RILPL1: variants seen among roughly 807,000 people sequenced by gnomAD.
The protein encoded by RILPL1 is RILP-like protein 1.
A neutral mutation model predicts 50.3 loss-of-function variants in RILPL1; 33 were observed. That is an observed-to-expected ratio of 0.66 (90% CI 0.50 to 0.88). The LOEUF (loss-of-function observed/expected upper bound fraction) is 0.88. Among genes scored for constraint, RILPL1 ranks in the 40% least tolerant of loss-of-function variants. The probability of loss-of-function intolerance (pLI) is 0.00; values close to 1 mark genes in which losing one functional copy is unlikely to be tolerated. For synonymous variants in RILPL1, 205 were observed against 228.6 expected (o/e 0.90, Z 0.93); for missense variants, 418 against 542.5 (o/e 0.77, Z 2.28).
chr12:123,523,662 A>G lies in RILPL1; in HGVS notation c.310-17T>C. Reference sequence around the variant, plus strand: ...CTCCAGCTCCTGCCAAGGCAAGGGGACAGCATGGGGTCACTGCCTGCCCAG... The same window carrying G: ...CTCCAGCTCCTGCCAAGGCAAGGGGGCAGCATGGGGTCACTGCCTGCCCAG... On this transcript the variant is annotated splice_polypyrimidine_tract_variant and intron_variant, in intron 1 of 6. Transcript: ENST00000376874. 1.9e-6 allele frequency: 3 copies of G among 1,610,930 alleles called. No individual in the cohort carries two copies. Among genetic ancestry groups the G allele is most frequent in the Non-Finnish European group, 2.5e-6 (3 of 1,179,228 alleles).
intron 2 of RILPL1, among the ~76,000 whole-genome samples, chr12:123,505,886 A>G (rs1297354003): frequency 6.6e-6 from 1 of 152,146 alleles, no homozygotes; most frequent in African/African-American, 2.4e-5. Context: ...CGGCCTCCCG[A>G]AGGGCCCTGA....
At chr12:123,494,154 C>G (rs1482199891) in intron 4 of RILPL1, among the ~76,000 whole-genome samples, 1 of 152,174 alleles carries the variant, frequency 6.6e-6, no homozygotes, top group African/African-American at 2.4e-5. Flanking sequence ...CTGCGCGAAA[C>G]AGTGAACCTA....
chr12:123,495,033 C>T (rs978659595), intron 4 of RILPL1, among the ~76,000 whole-genome samples: 2 of 152,168 alleles, frequency 1.3e-5, no homozygotes, highest in South Asian at 2.1e-4. Flanking sequence ...TGGCTTGAGT[C>T]GCAGCCATGT....
intron 6 of RILPL1, among the ~76,000 whole-genome samples, chr12:123,483,069 G>A (rs991013286): frequency 2.0e-5 from 3 of 152,230 alleles, no homozygotes; most frequent in African/African-American, 7.2e-5. Flanking sequence ...TACACGATCC[G>A]ACTGGCTTTC....
chr12:123,513,185 GTGTA>G (rs916441555), intron 2 of RILPL1, among the ~76,000 whole-genome samples: 7 of 151,878 alleles, frequency 4.6e-5, no homozygotes, highest in Non-Finnish European at 4.4e-5. Flanking sequence ...GTGTGAGTGG[GTGTA>G]TGTGTGTGTC....
At chr12:123,502,669 G>A (rs557838864) in intron 2 of RILPL1, among the ~76,000 whole-genome samples, 3 of 152,334 alleles carry the variant, frequency 2.0e-5, no homozygotes, top group Admixed American at 6.5e-5. Flanking sequence ...CTGGCACACC[G>A]CAGGTGCCCA....
Position 123,484,212 on chromosome 12 carries a change from C to A in RILPL1, c.1035G>T (p.Thr345=). ...PQPPPIAHPR[T]SPQPESGIKR... ...TGATGCCCGACTCCGGCTGGGGGGACGTCCTCGGGTGGGCGATGGGTGGGG... is the reference window on the plus strand; with the variant it reads ...TGATGCCCGACTCCGGCTGGGGGGAAGTCCTCGGGTGGGCGATGGGTGGGG... Residue 345 remains threonine (T), a synonymous_variant, in exon 6 of 7, where the codon ACG becomes ACT. Transcript: ENST00000376874. The A allele has an allele frequency of 6.3e-7, 1 of 1,588,880 alleles. No homozygotes were observed. The highest frequency in any genetic ancestry group is 8.6e-7 in the Non-Finnish European group (1 of 1,159,872).
At position 123,498,876 on chromosome 12, in the gene RILPL1, T is replaced by G. The variant is rs1883195962; in HGVS notation, c.580-111A>C. On this transcript the variant is annotated intron_variant, in intron 3 of 6. Transcript: ENST00000376874. This position sits in a 1 kb window ranked among gnomAD's most constrained non-coding sequence, Gnocchi z 4.3. ...TGTGCCATTTACATTGCAGACATCT[T>G]TGTTTGAAAGTTGTTCGTATTCTTA... 1 of 993,184 alleles carries G rather than the reference T, an allele frequency of 1.0e-6. No individual in the cohort carries two copies. The allele number at this position is 993,184 out of a possible 1,614,324, so 61.5% of individuals were successfully genotyped here. A position where few individuals can be genotyped will look rare whatever the true frequency, so the allele number is the denominator to read the frequency against.
chr12:123,523,093 C>T (rs1248051355), intron 2 of RILPL1, among the ~76,000 whole-genome samples: 1 of 152,174 alleles, frequency 6.6e-6, no homozygotes, highest in Non-Finnish European at 1.5e-5. Flanking sequence ...CTATCACATG[C>T]CCCACTGCCG....
chr12:123,485,719 C>A lies in RILPL1; in HGVS notation c.888G>T (p.Leu296=). The A allele has an allele frequency of 6.2e-7, 1 of 1,613,464 alleles. No individual in the cohort carries two copies. Among genetic ancestry groups the A allele is most frequent in the Non-Finnish European group, 8.5e-7 (1 of 1,179,686 alleles). The change falls in exon 5 of 7, where the codon CTG becomes CTT. Residue 296 remains leucine (L), a synonymous_variant. Coordinates refer to ENST00000376874, the MANE Select transcript of RILPL1 (RefSeq NM_178314.5). This position sits in a 1 kb window ranked among gnomAD's most constrained non-coding sequence, Gnocchi z 4.0. ...LKDPNRPRFT[L]QELRDVLHER... is the part of the protein sequence containing the mutation. ...CGTGCAGCACGTCCCGCAGCTCCTG[C>A]AGGGTGAACCGGGGGCGGTTGGGGT...
intron 1 of RILPL1, among the ~76,000 whole-genome samples, chr12:123,532,469 A>C (rs1372142030): frequency 1.3e-5 from 2 of 152,116 alleles, no homozygotes; most frequent in East Asian, 3.8e-4. Context: ...CTCACCACTA[A>C]TTTGGGACAA....
At chr12:123,507,032 G>C (rs777021734) in intron 2 of RILPL1, among the ~76,000 whole-genome samples, 4 of 152,110 alleles carry the variant, frequency 2.6e-5, no homozygotes, top group Non-Finnish European at 4.4e-5. Context: ...CACCAGAATG[G>C]CTAAAATGAG....
intron 4 of RILPL1, among the ~76,000 whole-genome samples, chr12:123,496,346 TTCC>T (rs1212931223): frequency 2.0e-5 from 3 of 152,116 alleles, no homozygotes; most frequent in Non-Finnish European, 2.9e-5. Flanking sequence ...CTCCCTGACC[TTCC>T]TCATTTGTAT....
chr12:123,477,852 C>T (rs947932817), intron 6 of RILPL1, among the ~76,000 whole-genome samples: 8 of 152,104 alleles, frequency 5.3e-5, no homozygotes, highest in South Asian at 2.1e-4. Flanking sequence ...GCCTCAAACA[C>T]GGGGGACATT....
At chr12:123,475,800 T>TG in intron 6 of RILPL1, 1 of 1,244,806 alleles carries the variant, frequency 8.0e-7, no homozygotes, top group Non-Finnish European at 1.1e-6. Context: ...ACGGGAGGCA[T>TG]GAAAAAGAAA....
rs190625554 is a variant in RILPL1, at chr12:123,529,478, T to C, written c.309+3696A>G. On this transcript the variant is annotated intron_variant, in intron 1 of 6. Transcript: ENST00000376874. ...TTTTAGTAGGGATGAGGTTTTGCCA[T>C]GTTGGCCAGGATGGTCTTGACCTCC... Among the ~76,000 whole-genome samples the C allele has an allele frequency of 8.4e-4, 128 of 152,330 alleles. 1 individual carries two copies. The highest frequency in any genetic ancestry group is 8.3e-4 in the South Asian group (4 of 4,832).
intron 2 of RILPL1, among the ~76,000 whole-genome samples, chr12:123,503,088 A>G (rs995203720): frequency 8.1e-5 from 12 of 148,422 alleles, no homozygotes; most frequent in East Asian, 2.0e-4. Context: ...AGGTTTCACC[A>G]TGTTAGCCAG....
rs543361805 is a variant in RILPL1, at chr12:123,483,087, C to A, written c.1067+1093G>T. Among the ~76,000 whole-genome samples, 18 of 152,374 alleles carry A rather than the reference C, an allele frequency of 1.2e-4. No individual in the cohort carries two copies. In the South Asian group the frequency reaches 3.5e-3, roughly 30 times the overall value. On this transcript the variant is annotated intron_variant, in intron 6 of 6. Coordinates refer to ENST00000376874, the MANE Select transcript of RILPL1 (RefSeq NM_178314.5). The stretch of plus-strand genomic sequence containing the variant: ...ACGATCCGACTGGCTTTCCAACCCA[C>A]ACGCCCTGTTTTCACAAAGTTTCTT...
chr12:123,527,088 T>A (rs1465099946), intron 1 of RILPL1, among the ~76,000 whole-genome samples: 1 of 152,134 alleles, frequency 6.6e-6, no homozygotes, highest in Admixed American at 6.5e-5. Flanking sequence ...CCTTGTAATT[T>A]AGGAGGCTGA....
Sources: allele counts gnomAD v4.1 joint callset (sites outside exome capture counted in the v4.1 genomes callset), GRCh38; gene constraint gnomAD v4.1.1; non-coding constraint Gnocchi (gnomAD v3.1); transcripts MANE v1.5; gene names NCBI Gene and HGNC (gene_info 2026-07-23, HGNC 2026-07-21).